Variants in BCAS3 observed in about 807,000 individuals in gnomAD.
BCAS3 encodes the protein BCAS3 microtubule associated cell migration factor.
Under a neutral mutation model 116.1 loss-of-function variants are expected in BCAS3, and 53 were observed. That is an observed-to-expected ratio of 0.46 (90% CI 0.37 to 0.57). The LOEUF is 0.57. Among genes scored for constraint, BCAS3 ranks in the 20% least tolerant of loss-of-function variants. The probability of loss-of-function intolerance (pLI) is 0.00; values close to 1 mark genes in which losing one functional copy is unlikely to be tolerated. For missense variants in BCAS3, 917 were observed against 1,165.4 expected (o/e 0.79, Z 3.10); for synonymous variants, 391 against 408.2 (o/e 0.96, Z 0.51).
intron 22 of BCAS3, among the ~76,000 whole-genome samples, chr17:61,221,151 C>T (rs967712710): frequency 3.1e-4 from 47 of 152,300 alleles, no homozygotes; most frequent in African/African-American, 9.9e-4. Flanking sequence ...TACAAAGTGT[C>T]GGTGCAGATA....
intron 22 of BCAS3, among the ~76,000 whole-genome samples, chr17:61,202,411 A>G (rs1043201507): frequency 7.2e-5 from 11 of 152,086 alleles, no homozygotes; most frequent in Admixed American, 5.9e-4. Flanking sequence ...TCTGGCTTCA[A>G]TGCCCATGCT....
intron 14 of BCAS3, among the ~76,000 whole-genome samples, chr17:60,951,283 C>T (rs2060816800): frequency 6.6e-6 from 1 of 152,050 alleles, no homozygotes; most frequent in Non-Finnish European, 1.5e-5. Flanking sequence ...TATTATGCAA[C>T]TGTAGTAGTG....
chr17:60,859,879 A>AT (rs1567729677), intron 7 of BCAS3, among the ~76,000 whole-genome samples: 3 of 152,108 alleles, frequency 2.0e-5, no homozygotes, highest in Non-Finnish European at 4.4e-5. Context: ...TATGTACGAC[A>AT]TTTTTAAAAT....
At position 60,709,326 on chromosome 17, in the gene BCAS3, G is replaced by A. The variant is rs752528364; in HGVS notation, c.321+1G>A. 6.5e-7 allele frequency: 1 copy of A among 1,549,796 alleles called. No individual in the cohort carries two copies. ...TGGAATGCAGGTCTGGAGCATCCCT[G>A]TAAGTACACATGTGGTTGAATACCT... On this transcript the variant is annotated splice_donor_variant, in intron 5 of 23. Coordinates refer to ENST00000407086, the MANE Select transcript of BCAS3 (RefSeq NM_017679.5). LOFTEE classifies it high-confidence loss of function.
chr17:60,960,781 C>CT lies in BCAS3; in HGVS notation c.1221+13442dup, dbSNP rs372608125. ...CAGTAGCTGCCTTCTTCTTCTTTTT[C>CT]TTTTTTTTTTTTTAATCATGCCTTT... On this transcript the variant is annotated intron_variant, in intron 14 of 23. Coordinates refer to ENST00000407086, the MANE Select transcript of BCAS3 (RefSeq NM_017679.5). This position sits in a 1 kb window ranked among gnomAD's most constrained non-coding sequence, Gnocchi z 4.1. Among the ~76,000 whole-genome samples, 271 of 142,190 alleles carry CT rather than the reference C, an allele frequency of 1.9e-3. No homozygotes were observed. Among genetic ancestry groups the CT allele is most frequent in the Non-Finnish European group, 2.1e-3 (139 of 64,702 alleles). 93.3% of individuals were successfully genotyped at this position (142,190 alleles called of 152,430 possible).
intron 6 of BCAS3, among the ~76,000 whole-genome samples, chr17:60,753,641 C>T (rs1161440400): frequency 6.6e-6 from 1 of 152,046 alleles, no homozygotes; most frequent in East Asian, 1.9e-4. Context: ...GATCACCTGA[C>T]CTCGTGATCT....
chr17:60,902,726 A>G, intron 11 of BCAS3, 23 bp downstream of exon 11: 1 of 1,531,960 alleles, frequency 6.5e-7, no homozygotes, highest in African/African-American at 1.4e-5. Context: ...GAAATCTTGG[A>G]GAGTTGTGGT....
rs2076664040 is a variant in BCAS3 at position 61,136,742 on chromosome 17, A to G, written c.2425+52178A>G. On this transcript the variant is annotated intron_variant, in intron 22 of 23. Coordinates refer to ENST00000407086, the MANE Select transcript of BCAS3 (RefSeq NM_017679.5). The surrounding 1 kb of genome is among the most constrained non-coding windows in gnomAD (Gnocchi z 4.4). The stretch of plus-strand genomic sequence containing the variant: ...ACGCAGCTAATTTTGCATTTTTAGT[A>G]GAGATGGGGTTTTGCCATGTTGCCC... Among the ~76,000 whole-genome samples the G allele has an allele frequency of 6.6e-6, 1 of 152,114 alleles. No homozygotes were observed. The highest frequency in any genetic ancestry group is 1.5e-5 in the Non-Finnish European group (1 of 68,010).
In BCAS3 at chr17:60,995,623, T is replaced by C. The variant is rs907306037; in HGVS notation, c.1486+5388T>C. 6.6e-6 allele frequency among the ~76,000 whole-genome samples: 1 copy of C among 152,172 alleles called. No individual in the cohort carries two copies. The highest frequency in any genetic ancestry group is 1.5e-5 in the Non-Finnish European group (1 of 68,028). On this transcript the variant is annotated intron_variant, in intron 15 of 23. Coordinates refer to ENST00000407086, the MANE Select transcript of BCAS3 (RefSeq NM_017679.5). The surrounding 1 kb of genome is among the most constrained non-coding windows in gnomAD (Gnocchi z 4.7). ...AGTTTCTAAGGCTTTAAACCAGAGT[T>C]TTAAAACATCTTTAGAAGTTGTTCT... is the stretch of plus-strand genomic sequence containing the variant.
At chr17:60,773,688 T>G (rs2044980156) in intron 6 of BCAS3, among the ~76,000 whole-genome samples, 1 of 152,120 alleles carries the variant, frequency 6.6e-6, no homozygotes, top group Non-Finnish European at 1.5e-5. Context: ...CATCCTGTTG[T>G]CCAGGCTGGA....
chr17:61,086,979 T>A, intron 22 of BCAS3: 1 of 985,424 alleles, frequency 1.0e-6, no homozygotes, highest in Non-Finnish European at 1.2e-6. Context: ...TTTCTACATC[T>A]GTGGAAAACA....
chr17:61,116,675 C>T lies in BCAS3; in HGVS notation c.2425+32111C>T, dbSNP rs965919041. Among the ~76,000 whole-genome samples the T allele has an allele frequency of 2.6e-5, 4 of 152,148 alleles. No individual in the cohort carries two copies. In the East Asian group the frequency reaches 7.7e-4, roughly 29 times the overall value. On this transcript the variant is annotated intron_variant, in intron 22 of 23. Transcript: ENST00000407086. ...TTTAGTCATTCTTTTAGAGTAAGTC[C>T]ACTGGCAACAAATTCTTAGTCTTCC...
At chr17:60,797,385 T>C (rs1050822789) in intron 6 of BCAS3, among the ~76,000 whole-genome samples, 2 of 151,796 alleles carry the variant, frequency 1.3e-5, no homozygotes, top group African/African-American at 4.8e-5. Flanking sequence ...TTTATTTATT[T>C]TTTTGTGGGG....
At chr17:60,856,620 G>A (rs992521551) in intron 7 of BCAS3, among the ~76,000 whole-genome samples, 1 of 152,124 alleles carries the variant, frequency 6.6e-6, no homozygotes, top group Non-Finnish European at 1.5e-5. Flanking sequence ...GAACCTGGGA[G>A]GCAGAGGTAG....
chr17:60,754,066 C>G (rs1356739998), intron 6 of BCAS3, among the ~76,000 whole-genome samples: 3 of 152,188 alleles, frequency 2.0e-5, no homozygotes, highest in South Asian at 2.1e-4. Flanking sequence ...CAGGGTCTCT[C>G]TCTCTCTTGC....
At chr17:60,895,936 G>A (rs1315417834) in intron 10 of BCAS3, among the ~76,000 whole-genome samples, 2 of 152,204 alleles carry the variant, frequency 1.3e-5, no homozygotes, top group Non-Finnish European at 2.9e-5. Context: ...CTAACATATG[G>A]TCTATCATGG....
At chr17:60,989,484 T>G (rs1370841928) in intron 14 of BCAS3, among the ~76,000 whole-genome samples, 9 of 152,056 alleles carry the variant, frequency 5.9e-5, no homozygotes, top group African/African-American at 9.7e-5. Flanking sequence ...AAGTTGTTTT[T>G]TTTTTTTTTT....
chr17:61,247,597 AC>A (rs1242074833), intron 22 of BCAS3, among the ~76,000 whole-genome samples: 1 of 152,168 alleles, frequency 6.6e-6, no homozygotes, highest in African/African-American at 2.4e-5. Flanking sequence ...AATACCACCT[AC>A]CAGCAAGAGC....
chr17:60,737,651 C>G (rs746093316), intron 5 of BCAS3, among the ~76,000 whole-genome samples: 2 of 151,922 alleles, frequency 1.3e-5, no homozygotes, highest in Non-Finnish European at 1.5e-5. Context: ...CTTCTTTGAC[C>G]TATGTGCTAT....
Sources: gnomAD v4.1 joint callset for allele counts (sites outside exome capture counted in the v4.1 genomes callset) on GRCh38, gnomAD v4.1.1 for gene constraint, Gnocchi (gnomAD v3.1) non-coding constraint, MANE v1.5 for transcripts, NCBI Gene and HGNC (gene_info 2026-07-23, HGNC 2026-07-21) for gene names.